Variants in PCDHGA9 observed in about 807,000 individuals in gnomAD.
The protein encoded by PCDHGA9 is protocadherin gamma-A9.
PCDHGA9 carries 37 observed loss-of-function variants against 62.5 expected under a neutral mutation model. The ratio of observed to expected loss-of-function variants is 0.59; its 90% CI spans 0.46 to 0.78. The LOEUF (loss-of-function observed/expected upper bound fraction) is 0.78. Ranked by LOEUF, PCDHGA9 falls within the 30% of genes least tolerant of loss-of-function variation. The pLI is 0.00. For synonymous variants in PCDHGA9, 459 were observed against 484.6 expected (o/e 0.95, Z 0.69); for missense variants, 1,138 against 1,166.2 (o/e 0.98, Z 0.35).
rs1301352900 is a variant in PCDHGA9, at chr5:141,491,765, A to T, written c.2425-3042A>T. ...GGCACTGGAGAAGCCGCCCGTCCTC[A>T]TAAGGGATTGAACTTGCATCCACTC... On this transcript the variant is annotated intron_variant, in intron 1 of 3. Transcript: ENST00000573521. The surrounding 1 kb of genome is among the most constrained non-coding windows in gnomAD (Gnocchi z 6.9). 1.3e-6 allele frequency: 2 copies of T among 1,569,228 alleles called. No individual in the cohort carries two copies. Among genetic ancestry groups the T allele is most frequent in the Non-Finnish European group, 1.7e-6 (2 of 1,158,736 alleles).
chr5:141,467,710 G>A (rs1284029664), intron 1 of PCDHGA9, among the ~76,000 whole-genome samples: 1 of 152,122 alleles, frequency 6.6e-6, no homozygotes, highest in Non-Finnish European at 1.5e-5. Context: ...TGCCCAGGCT[G>A]GAGTGTAGTG....
intron 1 of PCDHGA9, chr5:141,418,428 A>G: frequency 6.2e-7 from 1 of 1,613,980 alleles, no homozygotes; most frequent in Non-Finnish European, 8.5e-7. Flanking sequence ...GATGGTGGCA[A>G]ATATCCAGAA....
At chr5:141,454,993 T>C (rs2098809479) in intron 1 of PCDHGA9, among the ~76,000 whole-genome samples, 1 of 151,290 alleles carries the variant, frequency 6.6e-6, no homozygotes, top group Non-Finnish European at 1.5e-5. Context: ...AAAATATTTT[T>C]AGTAGAGACG....
intron 1 of PCDHGA9, among the ~76,000 whole-genome samples, chr5:141,453,510 T>C (rs11958830): frequency 0.2 from 30,607 of 152,026 alleles, 3,435 homozygotes; most frequent in African/African-American, 0.31. Flanking sequence ...AAAATTGTCA[T>C]TCCTCCCCTA....
chr5:141,483,530 GC>G (rs1384645281), intron 1 of PCDHGA9, among the ~76,000 whole-genome samples: 2 of 152,158 alleles, frequency 1.3e-5, no homozygotes, highest in African/African-American at 4.8e-5. Flanking sequence ...GACTAAGGAA[GC>G]TGGGTGGTTG....
Position 141,404,271 on chromosome 5 carries a change from T to A in PCDHGA9, c.1319T>A (p.Leu440Gln). Residue 440 changes from leucine to glutamine, a missense_variant, in exon 1 of 4, where the codon CTG becomes CAG. Leu to Gln is a moderately radical substitution (Grantham distance 113). Transcript: ENST00000573521. Reference sequence around the variant, plus strand: ...CTGTCCACAGAAATTCACATCACCCTGCAAGTGACTGACATCAATGATAAT... The same window carrying A: ...CTGTCCACAGAAATTCACATCACCCAGCAAGTGACTGACATCAATGATAAT... Reference protein sequence around the residue: ...PPLSTEIHITLQVTDINDNPP... With the variant: ...PPLSTEIHITQQVTDINDNPP... 1 of 1,614,000 alleles carries A rather than the reference T, an allele frequency of 6.2e-7. No individual in the cohort carries two copies. Among genetic ancestry groups the A allele is most frequent in the Non-Finnish European group, 8.5e-7 (1 of 1,179,886 alleles).
chr5:141,506,294 C>T (rs1165174121), intron 3 of PCDHGA9, among the ~76,000 whole-genome samples: 1 of 151,888 alleles, frequency 6.6e-6, no homozygotes, highest in African/African-American at 2.4e-5. Context: ...ACTAAAAATA[C>T]AAAAATTAGC....
chr5:141,503,598 CAAAAA>C (rs765754054), intron 2 of PCDHGA9, among the ~76,000 whole-genome samples: 1 of 65,760 alleles, frequency 1.5e-5, no homozygotes, highest in African/African-American at 4.7e-5. Context: ...GACTCCAGCT[CAAAAA>C]AAAAAAAAAA....
intron 1 of PCDHGA9, among the ~76,000 whole-genome samples, chr5:141,466,725 G>A (rs1184472416): frequency 2.6e-5 from 4 of 152,024 alleles, no homozygotes; most frequent in Non-Finnish European, 5.9e-5. Context: ...TTCCATTTTA[G>A]CAGAATTCAT....
Position 141,476,231 on chromosome 5 carries a change from G to A in PCDHGA9, c.2425-18576G>A. The A allele has an allele frequency of 6.2e-7, 1 of 1,614,084 alleles. No individual in the cohort carries two copies. Among genetic ancestry groups the A allele is most frequent in the Non-Finnish European group, 8.5e-7 (1 of 1,180,034 alleles). On this transcript the variant is annotated intron_variant, in intron 1 of 3. Coordinates refer to ENST00000573521, the MANE Select transcript of PCDHGA9 (RefSeq NM_018921.3). The surrounding 1 kb of genome is among the most constrained non-coding windows in gnomAD (Gnocchi z 7.6). ...CACGGTCATTCACTATGAGATCCCG[G>A]AGGAAAGAGAGAAGGGTTTCGCTGT...
rs761149166 is a variant in PCDHGA9 at position 141,510,977 on chromosome 5, G to C, written c.2603G>C (p.Gly868Ala). Residue 868 changes from glycine to alanine, a missense_variant, in exon 4 of 4, where the codon GGG (glycine) becomes GCG (alanine). Coordinates refer to ENST00000573521, the MANE Select transcript of PCDHGA9 (RefSeq NM_018921.3). Reference protein sequence around the residue: ...EAADGSSTLGGGAGTMGLSAR... With the variant: ...EAADGSSTLGAGAGTMGLSAR... ...GCTGATGGGAGCTCCACCCTGGGAG[G>C]GGGTGCCGGCACCATGGGATTGAGC... 9 of 1,614,052 alleles carry C rather than the reference G, an allele frequency of 5.6e-6. No individual in the cohort carries two copies. The Admixed American group carries it at 1.3e-4, about 24-fold the overall frequency.
At chr5:141,421,306 T>C (rs1356157966) in intron 1 of PCDHGA9, 1 of 1,613,564 alleles carries the variant, frequency 6.2e-7, no homozygotes, top group South Asian at 1.1e-5. Context: ...GCTGCGGGGG[T>C]TCCGGGCCAG....
At chr5:141,414,266 C>T in intron 1 of PCDHGA9, 1 of 1,613,254 alleles carries the variant, frequency 6.2e-7, no homozygotes, top group Non-Finnish European at 8.5e-7. Context: ...ACTGAAGATT[C>T]ACCTCTGGGA....
Position 141,485,486 on chromosome 5 carries a change from C to T in PCDHGA9, c.2425-9321C>T, listed in dbSNP as rs2099614522. 6 of 1,614,102 alleles carry T rather than the reference C, an allele frequency of 3.7e-6. No individual in the cohort carries two copies. The highest frequency in any genetic ancestry group is 2.2e-5 in the East Asian group (1 of 44,866). The stretch of plus-strand genomic sequence containing the variant: ...TGGGCTCAGTGCCAGCTGCATCGTG[C>T]CCCTGGAGTTTGTCACCGAAGGTCC... On this transcript the variant is annotated intron_variant, in intron 1 of 3. Coordinates refer to ENST00000573521, the MANE Select transcript of PCDHGA9 (RefSeq NM_018921.3). This position sits in a 1 kb window ranked among gnomAD's most constrained non-coding sequence, Gnocchi z 5.7.
chr5:141,492,873 C>G (rs2099744714), intron 1 of PCDHGA9, among the ~76,000 whole-genome samples: 1 of 152,182 alleles, frequency 6.6e-6, no homozygotes, highest in Non-Finnish European at 1.5e-5. Context: ...CTCTCAACCC[C>G]CAGAGATACA....
rs758439978 is a variant in PCDHGA9 at position 141,415,219 on chromosome 5, T to C, written c.2424+9843T>C. ...CCAAGTCCTGGCGGACCTCGGCAGC[T>C]TCGAGTCTCCAGCTAACTCTGAAAC... On this transcript the variant is annotated intron_variant, in intron 1 of 3. Coordinates refer to ENST00000573521, the MANE Select transcript of PCDHGA9 (RefSeq NM_018921.3). 42 of 1,613,954 alleles carry C rather than the reference T, an allele frequency of 2.6e-5. No individual in the cohort carries two copies. Among genetic ancestry groups the C allele is most frequent in the South Asian group, 9.9e-5 (9 of 91,088 alleles).
In PCDHGA9 at chr5:141,485,132, T is replaced by C. The variant is rs1020670896; in HGVS notation, c.2425-9675T>C. On this transcript the variant is annotated intron_variant, in intron 1 of 3. Transcript: ENST00000573521. This position sits in a 1 kb window ranked among gnomAD's most constrained non-coding sequence, Gnocchi z 5.7. ...GGCTGTTTGGGGCGGGTCGGCTTCATCCGCGTCTCAGGAGCAAGTAGAGAA... is the reference window on the plus strand; with the variant it reads ...GGCTGTTTGGGGCGGGTCGGCTTCACCCGCGTCTCAGGAGCAAGTAGAGAA... 8.1e-6 allele frequency: 12 copies of C among 1,489,136 alleles called. No individual in the cohort carries two copies. Among genetic ancestry groups the C allele is most frequent in the East Asian group, 2.3e-5 (1 of 44,214 alleles). The allele number at this position is 1,489,136 out of a possible 1,614,324, so 92.2% of individuals were successfully genotyped here.
intron 1 of PCDHGA9, among the ~76,000 whole-genome samples, chr5:141,483,652 G>A (rs746306843): frequency 2.0e-5 from 3 of 151,916 alleles, no homozygotes; most frequent in Non-Finnish European, 4.4e-5. Context: ...GTGTGTTTGT[G>A]TGTGTGTGTG....
chr5:141,409,648 G>A, intron 1 of PCDHGA9: 2 of 1,613,692 alleles, frequency 1.2e-6, no homozygotes, highest in East Asian at 4.5e-5. Context: ...CGGATTTGGG[G>A]CTCAATGGCC....
Sources: gnomAD v4.1 joint callset for allele counts (sites outside exome capture counted in the v4.1 genomes callset) on GRCh38, gnomAD v4.1.1 for gene constraint, Gnocchi (gnomAD v3.1) non-coding constraint, MANE v1.5 for transcripts, NCBI Gene and HGNC (gene_info 2026-07-23, HGNC 2026-07-21) for gene names.